Variants in ARHGAP15 observed in about 807,000 individuals in gnomAD.
ARHGAP15 encodes Rho GTPase activating protein 15, also known as rho GTPase-activating protein 15.
Under a neutral mutation model 63.7 loss-of-function variants are expected in ARHGAP15, and 51 were observed. That is an observed-to-expected ratio of 0.80 (90% confidence interval 0.64 to 1.01). ARHGAP15 has a LOEUF of 1.01. Among genes scored for constraint, ARHGAP15 ranks in the 50% least tolerant of loss-of-function variants. The pLI is 0.00. For synonymous variants in ARHGAP15, 191 were observed against 193.8 expected (o/e 0.99, Z 0.12); for missense variants, 560 against 564.6 (o/e 0.99, Z 0.08).
chr2:143,549,361 G>A (rs1321100195), intron 10 of ARHGAP15, among the ~76,000 whole-genome samples: 2 of 152,134 alleles, frequency 1.3e-5, no homozygotes, highest in Admixed American at 6.6e-5. Flanking sequence ...GGTGCCATCA[G>A]CAGATGAGAA....
chr2:143,565,804 G>T lies in ARHGAP15; in HGVS notation c.1003+9319G>T, dbSNP rs1034117919. Among the ~76,000 whole-genome samples the T allele has an allele frequency of 4.7e-4, 71 of 152,314 alleles. 1 individual carries two copies. The highest frequency in any genetic ancestry group is 3.3e-4 in the Admixed American group (5 of 15,298). On this transcript the variant is annotated intron_variant, in intron 11 of 13. Coordinates refer to ENST00000295095, the MANE Select transcript of ARHGAP15 (RefSeq NM_018460.4). ...GCATGCCATCTTAGTCCTCCAAAAT[G>T]TTGGAAATACTTAGGGTTGGATAAA...
chr2:143,254,763 TCTA>T lies in ARHGAP15; in HGVS notation c.474+4166_474+4168del, dbSNP rs1680335157. ...ATAGAAACTATATCCCATACTGTCT[TCTA>T]CTTATTAAGCCAGAAGACTGAACAC... On this transcript the variant is annotated intron_variant, in intron 6 of 13. Coordinates refer to ENST00000295095, the MANE Select transcript of ARHGAP15 (RefSeq NM_018460.4). 3.3e-5 allele frequency among the ~76,000 whole-genome samples: 5 copies of T among 152,212 alleles called. No individual in the cohort carries two copies. The South Asian group carries it at 1.0e-3, about 32-fold the overall frequency.
chr2:143,616,080 A>G (rs981655461), intron 11 of ARHGAP15, among the ~76,000 whole-genome samples: 1 of 152,188 alleles, frequency 6.6e-6, no homozygotes, highest in Non-Finnish European at 1.5e-5. Flanking sequence ...TGTTGCATCT[A>G]AACAGGACTA....
intron 9 of ARHGAP15, among the ~76,000 whole-genome samples, chr2:143,492,095 T>C (rs1692606095): frequency 6.6e-6 from 1 of 152,154 alleles, no homozygotes; most frequent in African/African-American, 2.4e-5. Context: ...TTGCCCAGCC[T>C]GGTCTTGAAC....
intron 12 of ARHGAP15, among the ~76,000 whole-genome samples, chr2:143,699,235 G>T (rs879304546): frequency 5.9e-5 from 9 of 152,078 alleles, no homozygotes; most frequent in Non-Finnish European, 1.3e-4. Flanking sequence ...GGAAGAGTGG[G>T]TGTGGTATTG....
At chr2:143,508,617 A>C (rs1440286653) in intron 9 of ARHGAP15, among the ~76,000 whole-genome samples, 1 of 152,154 alleles carries the variant, frequency 6.6e-6, no homozygotes, top group Non-Finnish European at 1.5e-5. Context: ...GCTGACGTAC[A>C]TGTGTGTATG....
At chr2:143,601,173 C>T (rs542448185) in intron 11 of ARHGAP15, among the ~76,000 whole-genome samples, 1 of 152,262 alleles carries the variant, frequency 6.6e-6, no homozygotes, top group Admixed American at 6.5e-5. Flanking sequence ...CTCACTTACT[C>T]TCCAAACACT....
chr2:143,344,077 GTC>G (rs1056757435), intron 6 of ARHGAP15: 5 of 152,048 alleles, frequency 3.3e-5, no homozygotes, highest in Non-Finnish European at 5.9e-5. Flanking sequence ...GCTTTGAGGA[GTC>G]TCTGATGTAC....
At chr2:143,720,580 A>G (rs1367706991) in intron 13 of ARHGAP15, among the ~76,000 whole-genome samples, 1 of 152,304 alleles carries the variant, frequency 6.6e-6, no homozygotes, top group East Asian at 1.9e-4. Context: ...ACTTTTAAGT[A>G]CTAGGGCGAA....
chr2:143,193,520 C>T (rs1472045119), intron 2 of ARHGAP15: 1 of 152,600 alleles, frequency 6.6e-6, no homozygotes, highest in Admixed American at 6.5e-5. Flanking sequence ...CTCTGAAAAT[C>T]TCAAAGAATA....
chr2:143,535,332 T>C lies in ARHGAP15; in HGVS notation c.925+15968T>C, dbSNP rs144321773. ...TCTCCCACATCCTACACAAGTAAACTCATTGTACTTGTTTTCTTTTCAGTT... is the reference window on the plus strand; with the variant it reads ...TCTCCCACATCCTACACAAGTAAACCCATTGTACTTGTTTTCTTTTCAGTT... On this transcript the variant is annotated intron_variant, in intron 10 of 13. Transcript: ENST00000295095. Among the ~76,000 whole-genome samples the C allele has an allele frequency of 1.4e-3, 207 of 152,312 alleles. 1 individual carries two copies. Among genetic ancestry groups the C allele is most frequent in the African/African-American group, 4.7e-3 (194 of 41,564 alleles).
intron 13 of ARHGAP15, among the ~76,000 whole-genome samples, chr2:143,728,580 A>AT (rs1277928254): frequency 6.6e-6 from 1 of 152,116 alleles, no homozygotes; most frequent in Non-Finnish European, 1.5e-5. Context: ...TTCTAGTATG[A>AT]TTTTTCAGTC....
chr2:143,446,993 T>C (rs889504737), intron 8 of ARHGAP15, among the ~76,000 whole-genome samples: 2 of 152,150 alleles, frequency 1.3e-5, no homozygotes, highest in African/African-American at 4.8e-5. Context: ...TTCCATGGTG[T>C]ATATGTGCCA....
At chr2:143,319,468 C>T (rs922214402) in intron 6 of ARHGAP15, among the ~76,000 whole-genome samples, 43 of 152,194 alleles carry the variant, frequency 2.8e-4, no homozygotes, top group African/African-American at 9.9e-4. Flanking sequence ...GTGATTCACC[C>T]GCTTCGGCCT....
intron 5 of ARHGAP15, among the ~76,000 whole-genome samples, chr2:143,230,829 A>G (rs934953466): frequency 2.0e-5 from 3 of 152,134 alleles, no homozygotes; most frequent in African/African-American, 7.2e-5. Context: ...AAGTTTCTGA[A>G]TTTCTCTTGC....
chr2:143,185,356 T>C (rs1308053286), intron 2 of ARHGAP15, among the ~76,000 whole-genome samples: 3 of 152,216 alleles, frequency 2.0e-5, no homozygotes, highest in African/African-American at 7.2e-5. Flanking sequence ...TTGAAGCTTG[T>C]ATACTTTGAA....
At chr2:143,605,950 T>C (rs1464008218) in intron 11 of ARHGAP15, among the ~76,000 whole-genome samples, 1 of 142,534 alleles carries the variant, frequency 7.0e-6, no homozygotes, top group Non-Finnish European at 1.5e-5. Flanking sequence ...GCAGGAGAAT[T>C]GCTTGAAACT....
chr2:143,599,253 A>G (rs914062318), intron 11 of ARHGAP15, among the ~76,000 whole-genome samples: 1 of 152,148 alleles, frequency 6.6e-6, no homozygotes, highest in Non-Finnish European at 1.5e-5. Context: ...AGAACAAAAA[A>G]CCATGTTAAT....
intron 11 of ARHGAP15, among the ~76,000 whole-genome samples, chr2:143,603,372 G>A (rs1177268031): frequency 6.6e-6 from 1 of 152,158 alleles, no homozygotes; most frequent in Non-Finnish European, 1.5e-5. Context: ...GCACTTTGTT[G>A]TCATGCTCGT....
Sources: gnomAD v4.1 joint callset for allele counts (sites outside exome capture counted in the v4.1 genomes callset) on GRCh38, gnomAD v4.1.1 for gene constraint, MANE v1.5 for transcripts, NCBI Gene and HGNC (gene_info 2026-07-23, HGNC 2026-07-21) for gene names.